Variants in ZNF438 observed in about 807,000 individuals in gnomAD.
The protein encoded by ZNF438 is zinc finger protein 438.
ZNF438 carries 25 observed loss-of-function variants against 38.0 expected under a neutral mutation model. The ratio of observed to expected loss-of-function variants is 0.66; its 90% CI spans 0.48 to 0.92. ZNF438 has a LOEUF of 0.92. Ranked by LOEUF, ZNF438 falls within the 40% of genes least tolerant of loss-of-function variation. The pLI is 0.00. For synonymous variants in ZNF438, 372 were observed against 364.1 expected (o/e 1.02, Z -0.25); for missense variants, 1,007 against 999.6 (o/e 1.01, Z -0.10).
chr10:30,970,133 C>T (rs1473989499), intron 1 of ZNF438, among the ~76,000 whole-genome samples: 1 of 151,010 alleles, frequency 6.6e-6, no homozygotes. Context: ...CACACACACA[C>T]ACACACACAC....
chr10:30,851,795 A>G (rs2033679833), intron 4 of ZNF438, among the ~76,000 whole-genome samples: 1 of 152,192 alleles, frequency 6.6e-6, no homozygotes, highest in Non-Finnish European at 1.5e-5. Context: ...AGTTGGGGGT[A>G]GGGGACTGAA....
At chr10:30,904,088 TA>T (rs959048543) in intron 3 of ZNF438, among the ~76,000 whole-genome samples, 7 of 150,742 alleles carry the variant, frequency 4.6e-5, no homozygotes, top group Admixed American at 4.6e-4. Flanking sequence ...ATCTGGCAAA[TA>T]AAAAACATTG....
At chr10:30,877,017 T>C in exon 4 of ZNF438, 1 of 1,606,354 alleles carries the variant, frequency 6.2e-7, no homozygotes. Flanking sequence ...TTGGTGGTAC[T>C]GATACAGAAT....
chr10:30,925,439 A>G (rs186142438), intron 2 of ZNF438, among the ~76,000 whole-genome samples: 8 of 152,376 alleles, frequency 5.3e-5, no homozygotes, highest in Non-Finnish European at 1.0e-4. Context: ...AGAAAGTATA[A>G]AAGAATGTAT....
rs542748834 is a variant in ZNF438, at chr10:30,976,369, C to T, written c.-191-34718G>A. ...AATGACAAAGAAAGTGTAAATATAA[C>T]GGGAAGCACAGATTTATGGAGAAAT... On this transcript the variant is annotated intron_variant, in intron 1 of 5. Coordinates refer to ENST00000413025, the Ensembl canonical transcript of ZNF438. Among the ~76,000 whole-genome samples, 7 of 152,172 alleles carry T rather than the reference C, an allele frequency of 4.6e-5. No individual in the cohort carries two copies. The East Asian group carries it at 5.8e-4, about 13-fold the overall frequency.
At chr10:30,954,079 G>A (rs1293678696) in intron 1 of ZNF438, among the ~76,000 whole-genome samples, 1 of 152,152 alleles carries the variant, frequency 6.6e-6, no homozygotes, top group South Asian at 2.1e-4. Context: ...GGATGTGGAG[G>A]TTGCATTGAG....
At chr10:30,912,646 A>T (rs918274890) in intron 2 of ZNF438, among the ~76,000 whole-genome samples, 3 of 152,114 alleles carry the variant, frequency 2.0e-5, no homozygotes, top group Non-Finnish European at 4.4e-5. Flanking sequence ...TGGGCTCTGG[A>T]GGTGAACTAC....
chr10:31,031,574 C>A (rs1029582497), intron 1 of ZNF438, among the ~76,000 whole-genome samples: 9 of 152,234 alleles, frequency 5.9e-5, no homozygotes, highest in African/African-American at 2.2e-4. Context: ...TAAGGCCTCG[C>A]TCCCAGGCTC....
chr10:30,855,048 A>G (rs1203425181), intron 4 of ZNF438, among the ~76,000 whole-genome samples: 1 of 152,238 alleles, frequency 6.6e-6, no homozygotes, highest in Non-Finnish European at 1.5e-5. Context: ...TACTTCATAG[A>G]GCCATACCAA....
chr10:30,850,251 G>A (rs1259356381), exon 5 of ZNF438: 2 of 1,614,172 alleles, frequency 1.2e-6, no homozygotes, highest in East Asian at 4.5e-5. Flanking sequence ...GAATGACATG[G>A]CAGCATTCTG....
chr10:30,911,425 C>A (rs2043068679), intron 2 of ZNF438, among the ~76,000 whole-genome samples: 1 of 152,170 alleles, frequency 6.6e-6, no homozygotes, highest in African/African-American at 2.4e-5. Flanking sequence ...TAAATCACTA[C>A]AGATGTTTGC....
chr10:30,916,446 T>A (rs1337808213), intron 2 of ZNF438, among the ~76,000 whole-genome samples: 1 of 152,060 alleles, frequency 6.6e-6, no homozygotes, highest in East Asian at 1.9e-4. Context: ...ACATTACTTA[T>A]AACTTTGAAG....
chr10:30,996,931 A>T (rs1029389308), intron 1 of ZNF438, among the ~76,000 whole-genome samples: 5 of 152,132 alleles, frequency 3.3e-5, no homozygotes, highest in African/African-American at 1.2e-4. Flanking sequence ...AGGGAACCAC[A>T]CTCCTAAATA....
At chr10:30,923,334 CTT>C (rs2044537634) in intron 2 of ZNF438, 1 of 152,194 alleles carries the variant, frequency 6.6e-6, no homozygotes, top group Admixed American at 6.5e-5. Flanking sequence ...CCTGTATCAT[CTT>C]TTTCTCTTGT....
chr10:30,997,795 T>C (rs927653628), intron 1 of ZNF438, among the ~76,000 whole-genome samples: 6 of 152,166 alleles, frequency 3.9e-5, no homozygotes, highest in Non-Finnish European at 8.8e-5. Context: ...CTTACAGTCA[T>C]GGGTGCTTTG....
intron 1 of ZNF438, among the ~76,000 whole-genome samples, chr10:31,023,226 T>C (rs1352438620): frequency 6.6e-6 from 1 of 152,206 alleles, no homozygotes; most frequent in African/African-American, 2.4e-5. Flanking sequence ...CACTTCTAGA[T>C]GTATCTCTAA....
intron 2 of ZNF438, chr10:30,910,533 G>A (rs959033270): frequency 3.3e-5 from 5 of 152,088 alleles, no homozygotes; most frequent in African/African-American, 1.2e-4. Flanking sequence ...AATCTGGTCA[G>A]TATGAAGAGA....
chr10:31,014,194 A>G (rs958325838), intron 1 of ZNF438, among the ~76,000 whole-genome samples: 1 of 152,212 alleles, frequency 6.6e-6, no homozygotes, highest in Non-Finnish European at 1.5e-5. Context: ...ACCTCTAATC[A>G]TGTCATGTCA....
chr10:31,013,244 G>T (rs1029090261), intron 1 of ZNF438, among the ~76,000 whole-genome samples: 1 of 151,964 alleles, frequency 6.6e-6, no homozygotes, highest in African/African-American at 2.4e-5. Context: ...GCGTGAACCC[G>T]GGAGGCGGAG....
Sources: allele counts gnomAD v4.1 joint callset (sites outside exome capture counted in the v4.1 genomes callset), GRCh38; gene constraint gnomAD v4.1.1; transcripts MANE v1.5; gene names NCBI Gene and HGNC (gene_info 2026-07-23, HGNC 2026-07-21).